Variants in GRIP1 observed in about 807,000 individuals in gnomAD.
GRIP1 encodes glutamate receptor interacting protein 1.
Under a neutral mutation model 129.9 loss-of-function variants are expected in GRIP1, and 45 were observed. That is an observed-to-expected ratio of 0.35 (90% CI 0.27 to 0.44). The LOEUF (loss-of-function observed/expected upper bound fraction) is 0.44. Ranked by LOEUF, GRIP1 falls within the 20% of genes least tolerant of loss-of-function variation. The pLI, the probability that GRIP1 is intolerant of heterozygous loss-of-function variation, is 1.00. For missense variants in GRIP1, 1,196 were observed against 1,396.8 expected, an observed-to-expected ratio of 0.86 and a Z score of 2.29; for synonymous variants, 530 against 520.8, an observed-to-expected ratio of 1.02 and a Z score of -0.24.
intron 13 of GRIP1, among the ~76,000 whole-genome samples, chr12:66,442,498 A>T (rs1330549012): frequency 1.3e-5 from 2 of 152,214 alleles, no homozygotes; most frequent in African/African-American, 2.4e-5. Flanking sequence ...TTTTCCTCAG[A>T]GCACTTATTC....
intron 1 of GRIP1, among the ~76,000 whole-genome samples, chr12:66,909,970 T>C (rs192336920): frequency 2.6e-4 from 40 of 152,270 alleles, no homozygotes; most frequent in African/African-American, 8.4e-4. Context: ...TTTTATCTCA[T>C]CTAAGCAGAT....
intron 16 of GRIP1, among the ~76,000 whole-genome samples, chr12:66,402,520 T>C (rs1252473624): frequency 1.3e-5 from 2 of 152,216 alleles, no homozygotes; most frequent in East Asian, 3.8e-4. Context: ...TTTGAAGTAG[T>C]ATCTGTTAAA....
intron 2 of GRIP1, among the ~76,000 whole-genome samples, chr12:66,548,223 T>C (rs968022795): frequency 6.6e-6 from 1 of 152,242 alleles, no homozygotes; most frequent in African/African-American, 2.4e-5. Flanking sequence ...CTGTGTTGTT[T>C]GGACCTAACT....
At chr12:66,872,284 G>A (rs571679473) in intron 1 of GRIP1, among the ~76,000 whole-genome samples, 196 of 152,032 alleles carry the variant, frequency 1.3e-3, no homozygotes, top group Non-Finnish European at 2.2e-3. Flanking sequence ...CAACAATCAG[G>A]GACAGTCAGT....
chr12:66,539,338 C>T, intron 3 of GRIP1, 115 bp from the exon 4 acceptor site: 1 of 1,383,338 alleles, frequency 7.2e-7, no homozygotes, highest in Non-Finnish European at 1.0e-6. Flanking sequence ...GCCTAGAAGG[C>T]TGACAGCAGA....
intron 5 of GRIP1, among the ~76,000 whole-genome samples, chr12:66,525,016 T>G (rs7973376): frequency 0.47 from 71,642 of 151,630 alleles, 17,120 homozygotes; most frequent in African/African-American, 0.56. Flanking sequence ...AATAACAGGC[T>G]CTGAAATTGT....
intron 1 of GRIP1, among the ~76,000 whole-genome samples, chr12:66,894,280 T>C (rs1479636824): frequency 1.3e-5 from 2 of 152,128 alleles, no homozygotes; most frequent in African/African-American, 4.8e-5. Flanking sequence ...CCTCAGGTTC[T>C]TCAGTTTCCT....
chr12:67,069,018 C>T, intron 1 of GRIP1: 6 of 588,232 alleles, frequency 1.0e-5, no homozygotes, highest in Non-Finnish European at 1.3e-5. Flanking sequence ...CGGACCCCTG[C>T]CCTCCCTCCC....
intron 2 of GRIP1, among the ~76,000 whole-genome samples, chr12:66,543,975 A>T (rs959204206): frequency 6.6e-6 from 1 of 152,126 alleles, no homozygotes; most frequent in Non-Finnish European, 1.5e-5. Context: ...TTCTACTCCA[A>T]GTTTTCAAGG....
At chr12:66,909,502 T>C (rs2040993655) in intron 1 of GRIP1, among the ~76,000 whole-genome samples, 1 of 152,200 alleles carries the variant, frequency 6.6e-6, no homozygotes, top group Non-Finnish European at 1.5e-5. Flanking sequence ...AACAAAGATG[T>C]TTTCATTATC....
At chr12:66,523,790 C>T (rs1287379251) in intron 5 of GRIP1, among the ~76,000 whole-genome samples, 1 of 152,102 alleles carries the variant, frequency 6.6e-6, no homozygotes, top group Non-Finnish European at 1.5e-5. Context: ...ACCCATCTCA[C>T]ATGCAGAGAC....
intron 1 of GRIP1, among the ~76,000 whole-genome samples, chr12:66,825,928 T>C (rs1356067357): frequency 1.3e-5 from 2 of 152,182 alleles, no homozygotes; most frequent in Non-Finnish European, 2.9e-5. Context: ...GAACCAGAAA[T>C]ACCATTTGAC....
At chr12:66,833,106 A>G (rs1237258865) in intron 1 of GRIP1, among the ~76,000 whole-genome samples, 1 of 152,186 alleles carries the variant, frequency 6.6e-6, no homozygotes, top group African/African-American at 2.4e-5. Flanking sequence ...CCTGGAGCCC[A>G]TCTCTGCAGG....
chr12:66,736,027 C>T (rs1412321237), intron 1 of GRIP1, among the ~76,000 whole-genome samples: 2 of 152,194 alleles, frequency 1.3e-5, no homozygotes, highest in African/African-American at 2.4e-5. Context: ...ATAAACAGTT[C>T]ACCCTTAAAC....
chr12:66,883,540 G>A (rs1036001595), intron 1 of GRIP1, among the ~76,000 whole-genome samples: 2 of 152,160 alleles, frequency 1.3e-5, no homozygotes, highest in African/African-American at 4.8e-5. Context: ...AACTGAATCT[G>A]ATTAGAGACT....
chr12:67,064,257 A>G (rs1230355016), intron 1 of GRIP1, among the ~76,000 whole-genome samples: 1 of 152,220 alleles, frequency 6.6e-6, no homozygotes, highest in African/African-American at 2.4e-5. Context: ...ATTCCTAATG[A>G]AAGATTTGAT....
At chr12:66,398,331 T>C (rs1182687115) in intron 16 of GRIP1, among the ~76,000 whole-genome samples, 3 of 151,982 alleles carry the variant, frequency 2.0e-5, no homozygotes, top group Admixed American at 6.5e-5. Flanking sequence ...GTGCAAGAGC[T>C]GAGCTGGCCC....
chr12:66,543,358 G>A (rs1014019120), intron 2 of GRIP1, among the ~76,000 whole-genome samples: 2 of 152,144 alleles, frequency 1.3e-5, no homozygotes, highest in African/African-American at 2.4e-5. Context: ...AAGCCAAGGA[G>A]GAGTCTGAGC....
chr12:66,612,872 G>GA (rs1283160511), intron 1 of GRIP1, among the ~76,000 whole-genome samples: 7 of 152,022 alleles, frequency 4.6e-5, no homozygotes, highest in African/African-American at 1.7e-4. Flanking sequence ...AAATTTTGTA[G>GA]AAAAAACTCA....
Sources: allele counts gnomAD v4.1 joint callset (sites outside exome capture counted in the v4.1 genomes callset), GRCh38; gene constraint gnomAD v4.1.1; transcripts MANE v1.5; gene names NCBI Gene and HGNC (gene_info 2026-07-23, HGNC 2026-07-21).